CNTNAP2: variants seen among roughly 807,000 people sequenced by gnomAD.
The protein encoded by CNTNAP2 is contactin associated protein 2, also known as contactin-associated protein-like 2.
Under a neutral mutation model 155.2 loss-of-function variants are expected in CNTNAP2, and 98 were observed. That is an observed-to-expected ratio of 0.63 (90% confidence interval 0.54 to 0.75). CNTNAP2 has a LOEUF of 0.75. Among genes scored for constraint, CNTNAP2 ranks in the 30% least tolerant of loss-of-function variants. The pLI is 0.00. For synonymous variants in CNTNAP2, 651 were observed against 631.2 expected (o/e 1.03, Z -0.47); for missense variants, 1,727 against 1,688.1 (o/e 1.02, Z -0.40).
rs529371597 is a variant in CNTNAP2, at chr7:146,612,685, C to G, written c.98-161586C>G. Among the ~76,000 whole-genome samples, 7 of 152,184 alleles carry G rather than the reference C, an allele frequency of 4.6e-5. No homozygotes were observed. In the East Asian group the frequency reaches 9.7e-4, roughly 21 times the overall value. On this transcript the variant is annotated intron_variant, in intron 1 of 23. Transcript: ENST00000361727. ...TAAAACTTGGCACGGATTATTAAGA[C>G]GGGTACAGCTTAAATTTCCCATTAA...
At chr7:146,911,657 G>C (rs1032251846) in intron 3 of CNTNAP2, among the ~76,000 whole-genome samples, 134 of 127,062 alleles carry the variant, frequency 1.1e-3, no homozygotes, top group African/African-American at 3.0e-3. Flanking sequence ...GGACTGTGGT[G>C]GGGTGGGGGG....
chr7:148,148,272 C>G (rs1805233072), intron 17 of CNTNAP2, among the ~76,000 whole-genome samples: 1 of 152,166 alleles, frequency 6.6e-6, no homozygotes, highest in Non-Finnish European at 1.5e-5. Flanking sequence ...AGTTAAACTA[C>G]CTATGCAAGA....
At chr7:146,884,928 A>T (rs1370575731) in intron 3 of CNTNAP2, among the ~76,000 whole-genome samples, 1 of 152,150 alleles carries the variant, frequency 6.6e-6, no homozygotes, top group East Asian at 1.9e-4. Context: ...AATGTCATAT[A>T]TGCCTTTAAA....
chr7:148,055,740 AAGAAGGAAAAG>A (rs1169495532), intron 15 of CNTNAP2, among the ~76,000 whole-genome samples: 86 of 30,794 alleles, frequency 2.8e-3, no homozygotes, highest in Non-Finnish European at 1.3e-3. Flanking sequence ...CATTGCAGTT[AAGAAGGAAAAG>A]CATTGCAGTT....
chr7:146,846,768 A>C (rs996586049), intron 3 of CNTNAP2, among the ~76,000 whole-genome samples: 5 of 152,120 alleles, frequency 3.3e-5, no homozygotes, highest in Non-Finnish European at 5.9e-5. Flanking sequence ...GATAATATTG[A>C]ATATATTATT....
In CNTNAP2 at chr7:146,673,222, G is replaced by A. The variant is rs543342791; in HGVS notation, c.98-101049G>A. On this transcript the variant is annotated intron_variant, in intron 1 of 23. Coordinates refer to ENST00000361727, the MANE Select transcript of CNTNAP2 (RefSeq NM_014141.6). ...CTTCCATTGAATTCTTCTGGTTTGT[G>A]TTATAACATTTCCTGTAATTTGTAA... Among the ~76,000 whole-genome samples the A allele has an allele frequency of 2.0e-4, 31 of 152,100 alleles. No individual in the cohort carries two copies. In the South Asian group the frequency reaches 6.2e-3, roughly 31 times the overall value.
At chr7:146,179,132 G>A (rs1798513231) in intron 1 of CNTNAP2, among the ~76,000 whole-genome samples, 1 of 152,080 alleles carries the variant, frequency 6.6e-6, no homozygotes, top group African/African-American at 2.4e-5. Flanking sequence ...GCTCTTTTGG[G>A]GAAACAGAAG....
chr7:146,933,975 A>G (rs1796849077), intron 3 of CNTNAP2, among the ~76,000 whole-genome samples: 1 of 152,094 alleles, frequency 6.6e-6, no homozygotes, highest in Non-Finnish European at 1.5e-5. Context: ...AAATAGGAAC[A>G]CTTTTACACT....
intron 3 of CNTNAP2, among the ~76,000 whole-genome samples, chr7:146,864,447 A>G (rs939569686): frequency 2.0e-5 from 3 of 152,204 alleles, no homozygotes; most frequent in Non-Finnish European, 4.4e-5. Flanking sequence ...ATAATGGTCA[A>G]CTATAAAAAC....
At chr7:146,171,696 A>G (rs1054868844) in intron 1 of CNTNAP2, among the ~76,000 whole-genome samples, 1 of 152,180 alleles carries the variant, frequency 6.6e-6, no homozygotes, top group African/African-American at 2.4e-5. Context: ...TATGTAAAAG[A>G]AAAGATGTGT....
chr7:148,096,983 A>G (rs964100891), intron 15 of CNTNAP2, among the ~76,000 whole-genome samples: 3 of 152,242 alleles, frequency 2.0e-5, no homozygotes, highest in African/African-American at 7.2e-5. Flanking sequence ...CTACTTGGAG[A>G]TATTAGAGCT....
intron 1 of CNTNAP2, among the ~76,000 whole-genome samples, chr7:146,232,050 A>G (rs1156749507): frequency 6.6e-6 from 1 of 152,006 alleles, no homozygotes; most frequent in East Asian, 1.9e-4. Flanking sequence ...AAACTATAAA[A>G]GAGGCTGGCT....
chr7:147,054,600 C>T (rs113710386), intron 4 of CNTNAP2, among the ~76,000 whole-genome samples: 35 of 152,076 alleles, frequency 2.3e-4, no homozygotes, highest in African/African-American at 6.0e-4. Flanking sequence ...TAAGTGATTC[C>T]TTTATTAGCT....
At position 146,769,760 on chromosome 7, in the gene CNTNAP2, A is replaced by G. The variant is rs1159330619; in HGVS notation, c.98-4511A>G. Among the ~76,000 whole-genome samples, 7 of 152,192 alleles carry G rather than the reference A, an allele frequency of 4.6e-5. 1 individual carries two copies. The highest frequency in any genetic ancestry group is 2.0e-4 in the Admixed American group (3 of 15,268). ...TAAAAGCTCAGATAGTAAATAGTTT[A>G]GTTTCGTGGGCCATATGATATCCAT... On this transcript the variant is annotated intron_variant, in intron 1 of 23. Transcript: ENST00000361727.
chr7:147,091,265 A>G (rs1445305819), intron 4 of CNTNAP2, among the ~76,000 whole-genome samples: 2 of 152,036 alleles, frequency 1.3e-5, no homozygotes, highest in African/African-American at 4.8e-5. Context: ...GCTCTTCTGT[A>G]TCCTGATGGG....
intron 3 of CNTNAP2, among the ~76,000 whole-genome samples, chr7:146,867,360 T>A (rs1211524787): frequency 6.6e-6 from 1 of 152,212 alleles, no homozygotes; most frequent in Non-Finnish European, 1.5e-5. Context: ...TTGTTCTTTT[T>A]CAATGGCTGC....
intron 1 of CNTNAP2, among the ~76,000 whole-genome samples, chr7:146,618,690 T>C (rs1252341908): frequency 6.6e-6 from 1 of 152,178 alleles, no homozygotes; most frequent in Non-Finnish European, 1.5e-5. Context: ...ACTTTAATCT[T>C]GTTTTGTTGA....
chr7:147,128,701 T>G lies in CNTNAP2; in HGVS notation c.948T>G (p.Phe316Leu), dbSNP rs750383045. The G allele has an allele frequency of 6.6e-5, 106 of 1,613,932 alleles. 1 individual carries two copies. Among genetic ancestry groups the G allele is most frequent in the Non-Finnish European group, 8.9e-5 (105 of 1,179,940 alleles). ...DYLDLDYEIT[F>L]GGIPFSGKPS... ...ATTTCTTTTTCTCAAAGATAACCTTTGGAGGCATCCCTTTCTCTGGCAAGC... is the reference window on the plus strand; with the variant it reads ...ATTTCTTTTTCTCAAAGATAACCTTGGGAGGCATCCCTTTCTCTGGCAAGC... Residue 316 changes from phenylalanine (F) to leucine (L), a missense_variant, in exon 7 of 24, where the codon TTT becomes TTG. Phe to Leu is a conservative substitution (Grantham distance 22). Coordinates refer to ENST00000361727, the MANE Select transcript of CNTNAP2 (RefSeq NM_014141.6).
At chr7:146,183,181 A>G (rs1584790971) in intron 1 of CNTNAP2, among the ~76,000 whole-genome samples, 1 of 151,910 alleles carries the variant, frequency 6.6e-6, no homozygotes, top group African/African-American at 2.4e-5. Flanking sequence ...CTCTGTTATT[A>G]CCTCCCACCA....
Sources: gnomAD v4.1 joint callset for allele counts (sites outside exome capture counted in the v4.1 genomes callset) on GRCh38, gnomAD v4.1.1 for gene constraint, MANE v1.5 for transcripts, NCBI Gene and HGNC (gene_info 2026-07-23, HGNC 2026-07-21) for gene names.